TG: variants seen among roughly 807,000 people sequenced by gnomAD.
TG encodes thyroid hormones.
A neutral mutation model predicts 324.7 loss-of-function variants in TG; 270 were observed. The observed-to-expected ratio is 0.83, with a 90% CI of 0.75 to 0.92. The LOEUF (loss-of-function observed/expected upper bound fraction) is 0.92, where lower values mean the gene tolerates loss of function less well. Among genes scored for constraint, TG ranks in the 40% least tolerant of loss-of-function variants. The pLI is 0.00. For missense variants in TG, 3,591 were observed against 3,456.4 expected (o/e 1.04, Z -0.98); for synonymous variants, 1,401 against 1,327.0 (o/e 1.06, Z -1.21).
chr8:132,872,712 A>G (rs908421472), intron 4 of TG, among the ~76,000 whole-genome samples: 9 of 152,008 alleles, frequency 5.9e-5, no homozygotes, highest in Admixed American at 2.6e-4. Context: ...ACTATTCTTT[A>G]TCTTTTATAC....
intron 41 of TG, among the ~76,000 whole-genome samples, chr8:133,032,880 C>T (rs773629250): frequency 6.6e-6 from 1 of 152,166 alleles, no homozygotes; most frequent in Non-Finnish European, 1.5e-5. Context: ...CACTGATTGG[C>T]ATGGGGACTT....
chr8:132,986,303 GTA>G (rs1398916723), intron 35 of TG, among the ~76,000 whole-genome samples: 1 of 149,916 alleles, frequency 6.7e-6, no homozygotes, highest in African/African-American at 2.5e-5. Flanking sequence ...ATATTGCATT[GTA>G]TATATATATG....
At chr8:132,988,207 C>G (rs1009963346) in intron 35 of TG, among the ~76,000 whole-genome samples, 2 of 152,038 alleles carry the variant, frequency 1.3e-5, no homozygotes, top group African/African-American at 2.4e-5. Context: ...ACAAGTTTCC[C>G]CCAGATTCAC....
At chr8:133,091,958 T>C (rs1258369511) in intron 41 of TG, among the ~76,000 whole-genome samples, 1 of 152,104 alleles carries the variant, frequency 6.6e-6, no homozygotes. Flanking sequence ...TGTGGCTGTG[T>C]GTCTGTGCAC....
Position 132,886,523 on chromosome 8 carries a change from G to A in TG, c.1151G>A (p.Ser384Asn). The change falls in exon 9 of 48, where the codon AGC becomes AAC. Residue 384 changes from serine to asparagine, a missense_variant. Coordinates refer to ENST00000220616, the MANE Select transcript of TG (RefSeq NM_003235.5). The part of the protein sequence containing the change: ...RLYFGTSGYF[S>N]QHDLFSSPEK... ...TACTTTGGGACCTCAGGCTACTTCA[G>A]CCAGCACGACCTGTTCTCTTCCCCA... 6.2e-7 allele frequency: 1 copy of A among 1,614,150 alleles called. No individual in the cohort carries two copies. The highest frequency in any genetic ancestry group is 1.7e-5 in the Admixed American group (1 of 60,018).
At chr8:132,983,644 CTGAT>C (rs1831178492) in intron 35 of TG, 2 of 599,470 alleles carry the variant, frequency 3.3e-6, no homozygotes. Flanking sequence ...AATTATGTGG[CTGAT>C]TGAAGCAGAG....
At chr8:132,989,217 T>C (rs919672226) in intron 35 of TG, among the ~76,000 whole-genome samples, 11 of 152,220 alleles carry the variant, frequency 7.2e-5, no homozygotes, top group African/African-American at 2.4e-4. Context: ...GTGGGAATTA[T>C]GGAAGCTGCA....
intron 41 of TG, among the ~76,000 whole-genome samples, chr8:133,034,668 C>G (rs2131015122): frequency 6.6e-6 from 1 of 152,206 alleles, no homozygotes; most frequent in East Asian, 1.9e-4. Flanking sequence ...TTCTTTCTCT[C>G]TCTCTCTCAT....
chr8:133,022,962 A>C (rs1835691208), intron 40 of TG, among the ~76,000 whole-genome samples: 3 of 152,238 alleles, frequency 2.0e-5, no homozygotes, highest in African/African-American at 7.2e-5. Flanking sequence ...GAGGAGGCTT[A>C]AATGAGGTAA....
At chr8:133,131,993 C>T (rs1295833521) in intron 46 of TG, 47 bp downstream of exon 46, 1 of 1,613,134 alleles carries the variant, frequency 6.2e-7, no homozygotes, top group African/African-American at 1.3e-5. Context: ...TGCTTTTCCT[C>T]CCGCTTCCTT....
intron 32 of TG, among the ~76,000 whole-genome samples, chr8:132,970,714 G>A (rs186473247): frequency 3.3e-5 from 5 of 152,308 alleles, no homozygotes; most frequent in East Asian, 1.9e-4. Flanking sequence ...CAGCCTGACC[G>A]CGGAGCTGTG....
intron 43 of TG, 25 bp downstream of exon 43, chr8:133,096,398 G>A (rs774593998): frequency 4.3e-6 from 7 of 1,613,830 alleles, no homozygotes; most frequent in Admixed American, 1.7e-5. Flanking sequence ...GGCCTCGGAT[G>A]TCTCCAGCTG....
chr8:133,016,053 A>G (rs1834997374), intron 37 of TG, among the ~76,000 whole-genome samples: 1 of 151,740 alleles, frequency 6.6e-6, no homozygotes, highest in South Asian at 2.1e-4. Context: ...AGCTTGGAAC[A>G]TTACAGGTGT....
Position 132,873,047 on chromosome 8 carries a change from C to T in TG, c.479-15C>T, listed in dbSNP as rs542988497. 8.7e-6 allele frequency: 14 copies of T among 1,608,086 alleles called. No individual in the cohort carries two copies. The highest frequency in any genetic ancestry group is 4.4e-5 in the South Asian group (4 of 90,214). Reference sequence around the variant, plus strand: ...TACTCATATATAAGGATTTTTTTTTCGTGAAAATGTTTAGGTCCAAGGAGC... The same window carrying T: ...TACTCATATATAAGGATTTTTTTTTTGTGAAAATGTTTAGGTCCAAGGAGC... On this transcript the variant is annotated splice_polypyrimidine_tract_variant and intron_variant, in intron 4 of 47. Coordinates refer to ENST00000220616, the MANE Select transcript of TG (RefSeq NM_003235.5).
In TG at chr8:132,969,231, G is replaced by C. The variant is rs372591943; in HGVS notation, c.5864-227G>C. ...TTTTTATTTCTCCATATGCTTTCTA[G>C]CTTCCAACATTTTGTTGCTGTGTCT... On this transcript the variant is annotated intron_variant, in intron 31 of 47. Transcript: ENST00000220616. 1.5e-4 allele frequency among the ~76,000 whole-genome samples: 23 copies of C among 152,136 alleles called. No homozygotes were observed. In the East Asian group the frequency reaches 4.1e-3, roughly 27 times the overall value.
intron 34 of TG, among the ~76,000 whole-genome samples, chr8:132,974,524 C>G (rs2130583327): frequency 6.6e-6 from 1 of 152,276 alleles, no homozygotes; most frequent in South Asian, 2.1e-4. Flanking sequence ...TGGTAGGAAA[C>G]AGAGGCAGGC....
chr8:133,118,309 A>C, intron 45 of TG, among the ~76,000 whole-genome samples: 2 of 144,574 alleles, frequency 1.4e-5, no homozygotes. Flanking sequence ...ATTCCCCCAA[A>C]CAGATTCTTC....
chr8:133,093,413 C>A (rs4736630), intron 41 of TG, among the ~76,000 whole-genome samples: 108,645 of 151,702 alleles, frequency 0.72, 39,317 homozygotes, highest in Non-Finnish European at 0.75. Flanking sequence ...ATCACGTAGC[C>A]CAGGAGCCTT....
chr8:133,128,975 C>G (rs1452567383), intron 45 of TG, among the ~76,000 whole-genome samples: 4 of 152,176 alleles, frequency 2.6e-5, no homozygotes, highest in Non-Finnish European at 4.4e-5. Flanking sequence ...TTGTCAGACC[C>G]TGGCATGTTC....
Sources: allele counts gnomAD v4.1 joint callset (sites outside exome capture counted in the v4.1 genomes callset), GRCh38; gene constraint gnomAD v4.1.1; transcripts MANE v1.5; gene names NCBI Gene and HGNC (gene_info 2026-07-23, HGNC 2026-07-21).